The following CLTC variants were observed in gnomAD, a reference collection of about 807,000 sequenced individuals.
CLTC encodes clathrin heavy chain.
A neutral mutation model predicts 195.8 loss-of-function variants in CLTC; 16 were observed. That is an observed-to-expected ratio of 0.08 (90% CI 0.06 to 0.12). The LOEUF is 0.12. Ranked by LOEUF, CLTC falls within the 10% of genes least tolerant of loss-of-function variation. The pLI, the probability that CLTC is intolerant of heterozygous loss-of-function variation, is 1.00. For missense variants in CLTC, 796 were observed against 2,027.0 expected (o/e 0.39, Z 11.66); for synonymous variants, 667 against 689.4 (o/e 0.97, Z 0.51).
chr17:59,670,160 C>T (rs1368215588), intron 14 of CLTC, among the ~76,000 whole-genome samples: 3 of 152,118 alleles, frequency 2.0e-5, no homozygotes, highest in Non-Finnish European at 4.4e-5. Flanking sequence ...CTGTGCTTGA[C>T]TAGTGTACCC....
intron 13 of CLTC, 35 bp downstream of exon 13, chr17:59,667,012 C>A: frequency 6.5e-7 from 1 of 1,543,534 alleles, no homozygotes; most frequent in Non-Finnish European, 8.9e-7. Context: ...AAAAAAAGTA[C>A]TTAAGGTAGC....
intron 2 of CLTC, among the ~76,000 whole-genome samples, chr17:59,644,988 G>A (rs2032152148): frequency 6.6e-6 from 1 of 152,224 alleles, no homozygotes; most frequent in Non-Finnish European, 1.5e-5. Flanking sequence ...TACTTGGAAT[G>A]TATCTGTGGA....
At chr17:59,670,238 A>G (rs1258663740) in intron 14 of CLTC, among the ~76,000 whole-genome samples, 1 of 151,424 alleles carries the variant, frequency 6.6e-6, no homozygotes, top group African/African-American at 2.4e-5. Context: ...ACAACAAAAA[A>G]AACTACTACT....
At chr17:59,637,735 G>A (rs373770234) in intron 1 of CLTC, among the ~76,000 whole-genome samples, 8 of 149,776 alleles carry the variant, frequency 5.3e-5, no homozygotes, top group Non-Finnish European at 8.9e-5. Flanking sequence ...GCATGGTGGC[G>A]TATGGGTGGT....
At chr17:59,621,392 C>T (rs1402011104) in intron 1 of CLTC, among the ~76,000 whole-genome samples, 1 of 152,224 alleles carries the variant, frequency 6.6e-6, no homozygotes, top group Non-Finnish European at 1.5e-5. Context: ...AGTGGTTTGA[C>T]ATGACACTGA....
intron 1 of CLTC, among the ~76,000 whole-genome samples, chr17:59,623,689 A>C (rs754066066): frequency 1.3e-5 from 2 of 152,146 alleles, no homozygotes; most frequent in Non-Finnish European, 2.9e-5. Flanking sequence ...ATGTTATTCA[A>C]ATTATATTTA....
intron 31 of CLTC, among the ~76,000 whole-genome samples, 162 bp from the exon 32 acceptor site, chr17:59,693,566 G>A (rs145208185): frequency 6.6e-6 from 1 of 152,232 alleles, no homozygotes; most frequent in Non-Finnish European, 1.5e-5. Flanking sequence ...GAGTAAGACT[G>A]TCATGCTAAA....
In CLTC at chr17:59,685,353, T is replaced by TA; in HGVS notation, c.4605+129dup. 4 of 989,792 alleles carry TA rather than the reference T, an allele frequency of 4.0e-6. No individual in the cohort carries two copies. The highest frequency in any genetic ancestry group is 5.7e-6 in the Non-Finnish European group (4 of 701,934). The allele number at this position is 989,792 out of a possible 1,614,324, so 61.3% of individuals were successfully genotyped here. A position where few individuals can be genotyped will look rare whatever the true frequency, so the allele number is the denominator to read the frequency against. ...GAGCTGACTTTAAGGCAATTTAAGT[T>TA]AATGGATTTCTTGATTCTAGGGGCT... On this transcript the variant is annotated intron_variant, in intron 29 of 31. Transcript: ENST00000269122. This position sits in a 1 kb window ranked among gnomAD's most constrained non-coding sequence, Gnocchi z 5.0.
At chr17:59,675,592 G>A (rs550445512) in intron 16 of CLTC, among the ~76,000 whole-genome samples, 142 of 152,194 alleles carry the variant, frequency 9.3e-4, no homozygotes, top group African/African-American at 3.2e-3. Context: ...GAAAAATTTT[G>A]CATTTAAGGG....
chr17:59,644,197 G>A, intron 1 of CLTC, 79 bp from the exon 2 acceptor site: 1 of 1,084,756 alleles, frequency 9.2e-7, no homozygotes, highest in Non-Finnish European at 1.4e-6. Context: ...GTTAAGTGAG[G>A]ATTTGTGTTG....
chr17:59,629,518 A>ATTTTTT (rs5821273), intron 1 of CLTC, among the ~76,000 whole-genome samples: 5 of 126,064 alleles, frequency 4.0e-5, no homozygotes, highest in Admixed American at 9.0e-5. Context: ...AGAGATCATA[A>ATTTTTT]TTTTTTTTTT....
At chr17:59,629,159 C>A (rs1046422036) in intron 1 of CLTC, among the ~76,000 whole-genome samples, 2 of 152,060 alleles carry the variant, frequency 1.3e-5, no homozygotes, top group Non-Finnish European at 2.9e-5. Context: ...TTACAAAAAC[C>A]CATCTCTTTC....
rs1357452606 is a variant in CLTC, at chr17:59,648,017, G to A, written c.520-223G>A. 1.3e-5 allele frequency among the ~76,000 whole-genome samples: 2 copies of A among 152,090 alleles called. No homozygotes were observed. The highest frequency in any genetic ancestry group is 2.4e-5 in the African/African-American group (1 of 41,404). ...GCTTCTATACCTTTTTGTTTAAGAC[G>A]TATATGAGGCATATTTTAAACATTT... On this transcript the variant is annotated intron_variant, in intron 3 of 31. Coordinates refer to ENST00000269122, the MANE Select transcript of CLTC (RefSeq NM_004859.4). The surrounding 1 kb of genome is among the most constrained non-coding windows in gnomAD (Gnocchi z 4.5).
chr17:59,679,167 C>T (rs2033029579), intron 17 of CLTC, among the ~76,000 whole-genome samples: 1 of 152,050 alleles, frequency 6.6e-6, no homozygotes, highest in Non-Finnish European at 1.5e-5. Flanking sequence ...GCTAGTAAAA[C>T]ACTGAAAACT....
Position 59,682,263 on chromosome 17 carries a change from A to T in CLTC, c.3443-8A>T. ...GTTTGGATATATTTTTTCTTTTTCT[A>T]TACTTAGGAAACTGGGAAGAACTGG... On this transcript the variant is annotated splice_polypyrimidine_tract_variant and splice_region_variant and intron_variant, in intron 21 of 31. Coordinates refer to ENST00000269122, the MANE Select transcript of CLTC (RefSeq NM_004859.4). This position sits in a 1 kb window ranked among gnomAD's most constrained non-coding sequence, Gnocchi z 6.8. The T allele has an allele frequency of 1.9e-6, 3 of 1,608,858 alleles. No individual in the cohort carries two copies. Among genetic ancestry groups the T allele is most frequent in the Admixed American group, 1.7e-5 (1 of 58,294 alleles).
At chr17:59,667,075 A>G (rs1194684488) in intron 13 of CLTC, 98 bp downstream of exon 13, 5 of 933,298 alleles carry the variant, frequency 5.4e-6, no homozygotes, top group Non-Finnish European at 6.3e-6. Flanking sequence ...TTTTCTAAAA[A>G]TTTGGTTCTA....
chr17:59,627,979 T>G (rs765487657), intron 1 of CLTC, among the ~76,000 whole-genome samples: 2 of 152,142 alleles, frequency 1.3e-5, no homozygotes, highest in Non-Finnish European at 2.9e-5. Flanking sequence ...GAAATGAAGG[T>G]GACAATGGAA....
intron 6 of CLTC, 113 bp downstream of exon 6, chr17:59,656,140 T>C (rs915652676): frequency 6.5e-6 from 6 of 920,038 alleles, no homozygotes; most frequent in Middle Eastern, 2.2e-4. Flanking sequence ...AATAAACATA[T>C]TACTGTTAGT....
chr17:59,641,454 A>G (rs1255674702), intron 1 of CLTC, among the ~76,000 whole-genome samples: 1 of 151,642 alleles, frequency 6.6e-6, no homozygotes, highest in Non-Finnish European at 1.5e-5. Context: ...ACAAAAAATT[A>G]GCCGGGCATG....
Sources: gnomAD v4.1 joint callset for allele counts (sites outside exome capture counted in the v4.1 genomes callset) on GRCh38, gnomAD v4.1.1 for gene constraint, Gnocchi (gnomAD v3.1) non-coding constraint, MANE v1.5 for transcripts, NCBI Gene and HGNC (gene_info 2026-07-23, HGNC 2026-07-21) for gene names.